The following ACACA variants were observed in gnomAD, a reference collection of about 807,000 sequenced individuals.
ACACA encodes acetyl-CoA carboxylase 1.
Under a neutral mutation model 296.1 loss-of-function variants are expected in ACACA, and 103 were observed. The ratio of observed to expected loss-of-function variants is 0.35; its 90% confidence interval spans 0.30 to 0.41. ACACA has a LOEUF of 0.41. ACACA is among the 10% of genes least tolerant of loss of function. The probability of loss-of-function intolerance (pLI) is 1.00; values close to 1 mark genes in which losing one functional copy is unlikely to be tolerated. For missense variants in ACACA, 1,554 were observed against 2,989.7 expected (o/e 0.52, Z 11.20); for synonymous variants, 953 against 1,038.6 (o/e 0.92, Z 1.58).
In ACACA at chr17:37,317,055, C is replaced by T. The variant is rs548653429; in HGVS notation, c.338+13118G>A. On this transcript the variant is annotated intron_variant, in intron 3 of 55. Coordinates refer to ENST00000616317, the MANE Select transcript of ACACA (RefSeq NM_198834.3). ...TGCCACTGTACTCCAGCCTGGGTGA[C>T]AGAGACCCTGTCACAGAAAAAAAAA... 6.4e-5 allele frequency among the ~76,000 whole-genome samples: 9 copies of T among 141,648 alleles called. No individual in the cohort carries two copies. The East Asian group carries it at 1.9e-3, about 29-fold the overall frequency. 92.9% of individuals were successfully genotyped at this position (141,648 alleles called of 152,430 possible). A position where few individuals can be genotyped will look rare whatever the true frequency, so the allele number is the denominator to read the frequency against.
intron 45 of ACACA, among the ~76,000 whole-genome samples, chr17:37,140,195 C>A (rs1053870870): frequency 1.3e-5 from 2 of 152,062 alleles, no homozygotes; most frequent in African/African-American, 4.8e-5. Flanking sequence ...TGAGGATCCT[C>A]CCACTCTCAA....
At chr17:37,379,516 T>C in intron 1 of ACACA, 1 of 1,260,318 alleles carries the variant, frequency 7.9e-7, no homozygotes, top group Non-Finnish European at 1.1e-6. Flanking sequence ...TTGTTTTTTT[T>C]CTTGTAAATT....
chr17:37,303,246 A>G (rs369261447), intron 3 of ACACA, among the ~76,000 whole-genome samples: 26 of 152,390 alleles, frequency 1.7e-4, no homozygotes, highest in African/African-American at 6.3e-4. Context: ...ATATAAATGG[A>G]ATAATATAAT....
At chr17:37,118,885 C>T (rs1323498326) in intron 50 of ACACA, among the ~76,000 whole-genome samples, 6 of 152,144 alleles carry the variant, frequency 3.9e-5, no homozygotes, top group African/African-American at 1.4e-4. Flanking sequence ...ACTGTTACAG[C>T]GCGGCAGCCA....
intron 35 of ACACA, among the ~76,000 whole-genome samples, chr17:37,198,182 T>C (rs1361257521): frequency 6.6e-6 from 1 of 152,218 alleles, no homozygotes; most frequent in Non-Finnish European, 1.5e-5. Flanking sequence ...ATGTGTTACA[T>C]ATATGAGAAA....
intron 41 of ACACA, among the ~76,000 whole-genome samples, chr17:37,174,770 A>T (rs1193531402): frequency 1.3e-5 from 2 of 152,046 alleles, no homozygotes; most frequent in Non-Finnish European, 1.5e-5. Context: ...TGACCTCATG[A>T]TCTGCCCGCC....
At chr17:37,247,921 G>A in intron 18 of ACACA, 90 bp downstream of exon 18, 4 of 1,518,556 alleles carry the variant, frequency 2.6e-6, no homozygotes. Flanking sequence ...TGAGTACCAA[G>A]AAAAGCCTGG....
intron 44 of ACACA, 121 bp downstream of exon 44, chr17:37,151,180 T>C (rs1369374644): frequency 8.9e-7 from 1 of 1,128,814 alleles, no homozygotes; most frequent in Non-Finnish European, 1.3e-6. Flanking sequence ...AAAATATAAT[T>C]ATAGACATAC....
rs2051509716 is a variant in ACACA, at chr17:37,406,358, C to T, written c.-59G>A. 1 of 1,582,344 alleles carries T rather than the reference C, an allele frequency of 6.3e-7. No homozygotes were observed. Among genetic ancestry groups the T allele is most frequent in the Admixed American group, 1.7e-5 (1 of 59,958 alleles). On this transcript the variant is annotated 5_prime_UTR_variant, in exon 1 of 56. It introduces an in-frame stop codon into an upstream open reading frame of the 5' UTR. Coordinates refer to ENST00000616317, the MANE Select transcript of ACACA (RefSeq NM_198834.3). ...AAGCCCAAAGAGGGGATGGTTCTTTCCAAAGAAGACAATTTCGACGTTCCA... is the reference window on the plus strand; with the variant it reads ...AAGCCCAAAGAGGGGATGGTTCTTTTCAAAGAAGACAATTTCGACGTTCCA...
At chr17:37,317,322 G>C (rs556840033) in intron 3 of ACACA, among the ~76,000 whole-genome samples, 1 of 152,204 alleles carries the variant, frequency 6.6e-6, no homozygotes, top group African/African-American at 2.4e-5. Context: ...GGGCGCGGTG[G>C]CTGACGCCTG....
At chr17:37,140,443 C>G (rs2075521230) in intron 45 of ACACA, among the ~76,000 whole-genome samples, 1 of 152,032 alleles carries the variant, frequency 6.6e-6, no homozygotes, top group South Asian at 2.1e-4. Context: ...ACTCCCCAGC[C>G]TAAAACAGTT....
intron 3 of ACACA, among the ~76,000 whole-genome samples, chr17:37,297,903 A>T (rs911947239): frequency 6.6e-6 from 1 of 152,160 alleles, no homozygotes; most frequent in Non-Finnish European, 1.5e-5. Context: ...TACATAAAAA[A>T]TTTTGATACT....
Position 37,388,903 on chromosome 17 carries a change from G to C in ACACA, c.38+17359C>G, listed in dbSNP as rs2050668793. 6 of 1,389,322 alleles carry C rather than the reference G, an allele frequency of 4.3e-6. No individual in the cohort carries two copies. In the East Asian group the frequency reaches 1.4e-4, roughly 33 times the overall value. The allele number at this position is 1,389,322 out of a possible 1,614,324, so 86.1% of individuals were successfully genotyped here. A position where few individuals can be genotyped will look rare whatever the true frequency, so the allele number is the denominator to read the frequency against. ...AAGCATAGACTTTGGAATTTGAGGA[G>C]ATGTGCCACTCACACTCACTAGCTG... On this transcript the variant is annotated intron_variant, in intron 1 of 55. Transcript: ENST00000616317.
chr17:37,264,760 C>T (rs2081672165), intron 10 of ACACA, among the ~76,000 whole-genome samples: 1 of 152,208 alleles, frequency 6.6e-6, no homozygotes, highest in Admixed American at 6.5e-5. Context: ...GACCATTTCA[C>T]ATAACCATAT....
intron 41 of ACACA, among the ~76,000 whole-genome samples, chr17:37,176,163 A>G (rs1168441731): frequency 6.6e-6 from 1 of 152,214 alleles, no homozygotes; most frequent in Non-Finnish European, 1.5e-5. Flanking sequence ...GCCTTCGATC[A>G]TGGAGAAAAG....
chr17:37,178,204 T>C (rs1482686701), intron 41 of ACACA, among the ~76,000 whole-genome samples: 1 of 152,216 alleles, frequency 6.6e-6, no homozygotes, highest in East Asian at 1.9e-4. Context: ...TCATAATGCA[T>C]GGACAAGAGT....
chr17:37,134,191 G>GCTT (rs2075234565), intron 45 of ACACA, among the ~76,000 whole-genome samples: 1 of 152,188 alleles, frequency 6.6e-6, no homozygotes. Context: ...TGCTGCTGCT[G>GCTT]CTTATCTAGA....
At chr17:37,094,454 T>TAACCAACC (rs2072846045) in intron 54 of ACACA, among the ~76,000 whole-genome samples, 2 of 152,180 alleles carry the variant, frequency 1.3e-5, no homozygotes, top group Admixed American at 1.3e-4. Flanking sequence ...TTCTTACCAG[T>TAACCAACC]AACCAACCAC....
At chr17:37,261,717 G>A (rs969935857) in intron 11 of ACACA, among the ~76,000 whole-genome samples, 7 of 152,166 alleles carry the variant, frequency 4.6e-5, no homozygotes, top group African/African-American at 1.2e-4. Flanking sequence ...CAGAACCAGG[G>A]ACAGCCAGGT....
Sources: allele counts gnomAD v4.1 joint callset (sites outside exome capture counted in the v4.1 genomes callset), GRCh38; gene constraint gnomAD v4.1.1; transcripts MANE v1.5; gene names NCBI Gene and HGNC (gene_info 2026-07-23, HGNC 2026-07-21).